TNIK: variants seen among roughly 807,000 people sequenced by gnomAD.
TNIK encodes the protein TRAF2 and NCK-interacting protein kinase.
Under a neutral mutation model 191.3 loss-of-function variants are expected in TNIK, and 49 were observed. That is an observed-to-expected ratio of 0.26 (90% confidence interval 0.20 to 0.32). The LOEUF is 0.32. TNIK is among the 10% of genes least tolerant of loss of function. The pLI is 1.00. For synonymous variants in TNIK, 594 were observed against 600.9 expected (o/e 0.99, Z 0.17); for missense variants, 1,155 against 1,702.3 (o/e 0.68, Z 5.66).
intron 24 of TNIK, among the ~76,000 whole-genome samples, 161 bp from the exon 25 acceptor site, chr3:171,085,390 T>C (rs1279447110): frequency 6.6e-6 from 1 of 152,222 alleles, no homozygotes; most frequent in African/African-American, 2.4e-5. Context: ...CTCCAGCTTC[T>C]TCTGGTATTG....
intron 4 of TNIK, among the ~76,000 whole-genome samples, chr3:171,200,982 T>A (rs894667116): frequency 6.6e-5 from 10 of 152,220 alleles, no homozygotes; most frequent in African/African-American, 2.4e-4. Context: ...TACTAACAGA[T>A]CCCTTCTCTT....
intron 2 of TNIK, among the ~76,000 whole-genome samples, chr3:171,324,947 A>C (rs187814730): frequency 7.2e-5 from 11 of 152,066 alleles, no homozygotes; most frequent in Admixed American, 7.2e-4. Context: ...AAAAAATACA[A>C]ACAATTAGCT....
intron 22 of TNIK, among the ~76,000 whole-genome samples, chr3:171,097,543 C>T (rs56872451): frequency 3.3e-5 from 5 of 152,038 alleles, no homozygotes; most frequent in Non-Finnish European, 7.4e-5. Context: ...GGTTTTTCCT[C>T]TGCTGTTCTT....
intron 2 of TNIK, among the ~76,000 whole-genome samples, chr3:171,361,104 T>C (rs1400801894): frequency 6.6e-6 from 1 of 151,728 alleles, no homozygotes; most frequent in Non-Finnish European, 1.5e-5. Context: ...AAAAGAGCAC[T>C]TACACTACAG....
At chr3:171,402,366 G>A (rs1054600604) in intron 1 of TNIK, among the ~76,000 whole-genome samples, 1 of 152,220 alleles carries the variant, frequency 6.6e-6, no homozygotes, top group African/African-American at 2.4e-5. Context: ...AGTCTAAAGA[G>A]AAGTAAAGGG....
intron 12 of TNIK, among the ~76,000 whole-genome samples, chr3:171,151,381 G>T (rs968532120): frequency 1.3e-5 from 2 of 152,152 alleles, no homozygotes; most frequent in Admixed American, 6.5e-5. Flanking sequence ...ATCCAAAAAG[G>T]TTTTACTGTA....
chr3:171,402,703 G>A (rs1209235895), intron 1 of TNIK, among the ~76,000 whole-genome samples: 1 of 152,140 alleles, frequency 6.6e-6, no homozygotes, highest in East Asian at 1.9e-4. Flanking sequence ...CATGGTACCA[G>A]AATCAAAGGT....
intron 18 of TNIK, among the ~76,000 whole-genome samples, chr3:171,120,555 G>A (rs763941531): frequency 2.0e-5 from 3 of 152,092 alleles, no homozygotes; most frequent in Non-Finnish European, 4.4e-5. Context: ...TCCTGACCTC[G>A]TGATCCACCT....
intron 23 of TNIK, among the ~76,000 whole-genome samples, chr3:171,089,235 C>T (rs796723413): frequency 2.0e-5 from 3 of 152,278 alleles, no homozygotes; most frequent in African/African-American, 7.2e-5. Context: ...TTCATTTTGT[C>T]ACAGTGGCCA....
intron 2 of TNIK, among the ~76,000 whole-genome samples, chr3:171,246,503 T>C (rs910011377): frequency 2.6e-5 from 4 of 152,190 alleles, no homozygotes; most frequent in Non-Finnish European, 5.9e-5. Flanking sequence ...GTTACCCTCA[T>C]TTTACAGATA....
intron 2 of TNIK, among the ~76,000 whole-genome samples, chr3:171,234,453 C>A (rs910185008): frequency 6.6e-6 from 1 of 152,124 alleles, no homozygotes; most frequent in African/African-American, 2.4e-5. Context: ...CAGGATGGTG[C>A]CCAAGCAATT....
chr3:171,146,652 G>A (rs979630257), intron 12 of TNIK, among the ~76,000 whole-genome samples: 1 of 152,204 alleles, frequency 6.6e-6, no homozygotes, highest in Non-Finnish European at 1.5e-5. Flanking sequence ...CACTCTGGGA[G>A]GCCAAGGCGA....
At chr3:171,157,364 T>C (rs975325213) in intron 12 of TNIK, 96 bp downstream of exon 12, 1 of 1,432,348 alleles carries the variant, frequency 7.0e-7, no homozygotes, top group Non-Finnish European at 9.5e-7. Context: ...CTAAGCTCTG[T>C]GTGCTCACAG....
chr3:171,448,873 G>GGTC (rs1300737793), intron 1 of TNIK, among the ~76,000 whole-genome samples: 2 of 152,032 alleles, frequency 1.3e-5, no homozygotes, highest in Non-Finnish European at 2.9e-5. Context: ...ATATACATTA[G>GGTC]GTATTTCTCC....
At chr3:171,148,041 T>C (rs75129613) in intron 12 of TNIK, among the ~76,000 whole-genome samples, 6,768 of 152,114 alleles carry the variant, frequency 0.044, 468 homozygotes, top group African/African-American at 0.15. Flanking sequence ...TCAGAGAACA[T>C]TGGGAAAGCT....
At position 171,438,246 on chromosome 3, in the gene TNIK, A is replaced by C. The variant is rs1414834471; in HGVS notation, c.57+21761T>G. Among the ~76,000 whole-genome samples, 5 of 151,160 alleles carry C rather than the reference A, an allele frequency of 3.3e-5. No individual in the cohort carries two copies. In the South Asian group the frequency reaches 1.0e-3, roughly 32 times the overall value. Reference sequence around the variant, plus strand: ...AGTTTCTTCCCCTTGCATAGCACCTAGGAGGTTTCTAACAATGCAAGCATT... The same window carrying C: ...AGTTTCTTCCCCTTGCATAGCACCTCGGAGGTTTCTAACAATGCAAGCATT... On this transcript the variant is annotated intron_variant, in intron 1 of 32. Coordinates refer to ENST00000436636, the MANE Select transcript of TNIK (RefSeq NM_015028.4).
chr3:171,206,335 G>GTATATATATATATATATATATATA lies in TNIK; in HGVS notation c.306+4780_306+4781insTATATATATATATATATATATATA, dbSNP rs60356829. On this transcript the variant is annotated intron_variant, in intron 4 of 32. Coordinates refer to ENST00000436636, the MANE Select transcript of TNIK (RefSeq NM_015028.4). ...AATATATGGAGATATATATGTTCGT[G>GTATATATATATATATATATATATA]TATATATATATATATATATGGAAGA... is the stretch of plus-strand genomic sequence containing the variant. 6.6e-3 allele frequency among the ~76,000 whole-genome samples: 880 copies of GTATATATATATATATATATATATA among 132,734 alleles called. 21 individuals are homozygous for GTATATATATATATATATATATATA. Among genetic ancestry groups the GTATATATATATATATATATATATA allele is most frequent in the East Asian group, 0.038 (140 of 3,666 alleles). 87.1% of individuals were successfully genotyped at this position (132,734 alleles called of 152,430 possible).
At chr3:171,276,340 G>C (rs1749745899) in intron 2 of TNIK, among the ~76,000 whole-genome samples, 1 of 152,168 alleles carries the variant, frequency 6.6e-6, no homozygotes, top group South Asian at 2.1e-4. Flanking sequence ...CTTCCAGAGT[G>C]ACAGGTAAGC....
chr3:171,138,385 C>A lies in TNIK; in HGVS notation c.1420-6G>T. The A allele has an allele frequency of 6.4e-7, 1 of 1,565,670 alleles. No homozygotes were observed. On this transcript the variant is annotated splice_region_variant and splice_polypyrimidine_tract_variant and intron_variant, in intron 14 of 32. Coordinates refer to ENST00000436636, the MANE Select transcript of TNIK (RefSeq NM_015028.4). ...AATTGTTTGCGCTTATATTCCTGTC[C>A]AGATCAGGAAAGAGGAGCAAAGAAA...
Sources: gnomAD v4.1 joint callset for allele counts (sites outside exome capture counted in the v4.1 genomes callset) on GRCh38, gnomAD v4.1.1 for gene constraint, MANE v1.5 for transcripts, NCBI Gene and HGNC (gene_info 2026-07-23, HGNC 2026-07-21) for gene names.